The following SLC35H1 variants were observed in gnomAD, a reference collection of about 807,000 sequenced individuals.
The protein encoded by SLC35H1 is ovarian cancer-overexpressed gene 1 protein.
At chr20:46,356,756 G>T in the SLC35H1 span, 1 of 846,310 alleles carries the variant, frequency 1.2e-6, no homozygotes, top group Non-Finnish European at 1.9e-6. Context: ...GCCTCCTGTG[G>T]GGCCCTTGGG....
chr20:46,354,346 C>T, the SLC35H1 span, among the ~76,000 whole-genome samples: 1 of 152,308 alleles, frequency 6.6e-6, no homozygotes, highest in South Asian at 2.1e-4. Flanking sequence ...ATCCCACTCA[C>T]CCTCCAAACC....
At chr20:46,357,450 C>T in the SLC35H1 span, among the ~76,000 whole-genome samples, 1 of 152,192 alleles carries the variant, frequency 6.6e-6, no homozygotes, top group Non-Finnish European at 1.5e-5. Context: ...GCACGCAGTG[C>T]ACAAGAGGCA....
chr20:46,361,075 C>T, the SLC35H1 span, among the ~76,000 whole-genome samples: 1 of 152,150 alleles, frequency 6.6e-6, no homozygotes, highest in Admixed American at 6.5e-5. Context: ...ATGTGAACTC[C>T]AGAAGAATAT....
the SLC35H1 span, among the ~76,000 whole-genome samples, chr20:46,362,891 C>T: frequency 6.6e-6 from 1 of 152,212 alleles, no homozygotes; most frequent in African/African-American, 2.4e-5. Flanking sequence ...CTCAGGCTCC[C>T]GAGGAGCTGG....
chr20:46,361,210 C>T, the SLC35H1 span, among the ~76,000 whole-genome samples: 1 of 152,368 alleles, frequency 6.6e-6, no homozygotes, highest in African/African-American at 2.4e-5. Flanking sequence ...GCTCCTCTTC[C>T]TACTTCCCAT....
the SLC35H1 span, chr20:46,358,715 A>G: frequency 6.5e-7 from 1 of 1,550,330 alleles, no homozygotes; most frequent in African/African-American, 1.4e-5. Flanking sequence ...GCTGGTGCTG[A>G]CCCTTCCCAT....
chr20:46,363,210 T>C, the SLC35H1 span: 1 of 152,294 alleles, frequency 6.6e-6, no homozygotes, highest in African/African-American at 2.4e-5. Context: ...TGGCACCTTC[T>C]TGTCAACTCA....
At chr20:46,358,821 C>T in the SLC35H1 span, 1 of 1,122,654 alleles carries the variant, frequency 8.9e-7, no homozygotes, top group Non-Finnish European at 1.3e-6. Context: ...TTCTCGTAGC[C>T]ATGGGTGCCT....
At chr20:46,362,975 AG>A in the SLC35H1 span, 1 of 152,432 alleles carries the variant, frequency 6.6e-6, no homozygotes, top group East Asian at 1.9e-4. Flanking sequence ...CATGTTGGTC[AG>A]GCTGGTCTCG....
the SLC35H1 span, chr20:46,346,575 G>A: frequency 6.6e-6 from 1 of 152,212 alleles, no homozygotes; most frequent in Non-Finnish European, 1.5e-5. Context: ...GAGGTCAGGA[G>A]TTCAAGACCG....
chr20:46,358,788 G>A, the SLC35H1 span: 1 of 1,374,988 alleles, frequency 7.3e-7, no homozygotes, highest in East Asian at 2.5e-5. Context: ...GGGCCGCTCT[G>A]GAGCCTCAGG....
chr20:46,358,189 C>T, the SLC35H1 span, among the ~76,000 whole-genome samples: 3 of 152,336 alleles, frequency 2.0e-5, no homozygotes, highest in African/African-American at 7.2e-5. Flanking sequence ...CCCCGCTCTC[C>T]TTGGTTTCCC....
At chr20:46,358,696 G>GGGCTGGT in the SLC35H1 span, 1 of 1,551,016 alleles carries the variant, frequency 6.4e-7, no homozygotes, top group Non-Finnish European at 8.7e-7. Context: ...CTCACCTAAG[G>GGGCTGGT]GGCTGGTGGC....
At chr20:46,347,536 A>C in the SLC35H1 span, 1 of 152,230 alleles carries the variant, frequency 6.6e-6, no homozygotes, top group Admixed American at 6.5e-5. Flanking sequence ...CTGTCGACCT[A>C]AATGGATGGC....
At chr20:46,357,643 AGGTAGTC>A in the SLC35H1 span, 1 of 1,613,672 alleles carries the variant, frequency 6.2e-7, no homozygotes. Flanking sequence ...CACTCTTCTG[AGGTAGTC>A]GGCCCAGCTC....
the SLC35H1 span, among the ~76,000 whole-genome samples, chr20:46,354,143 G>A: frequency 6.6e-6 from 1 of 152,136 alleles, no homozygotes; most frequent in African/African-American, 2.4e-5. Context: ...CGACAGTGGA[G>A]GAACAACTGA....
chr20:46,351,021 G>C, the SLC35H1 span: 1 of 1,240,884 alleles, frequency 8.1e-7, no homozygotes, highest in South Asian at 1.4e-5. Flanking sequence ...CCTGGGCCCA[G>C]GCAGGCAGAG....
chr20:46,357,574 T>C, the SLC35H1 span: 3 of 1,588,920 alleles, frequency 1.9e-6, no homozygotes, highest in Non-Finnish European at 2.6e-6. Flanking sequence ...CATCCTATGG[T>C]TCCCCAGCCC....
chr20:46,359,059 A>G, the SLC35H1 span: 1 of 401,448 alleles, frequency 2.5e-6, no homozygotes, highest in Non-Finnish European at 4.7e-6. Flanking sequence ...TTCGGCTCCC[A>G]TGGCCTCATC....
Sources: gnomAD v4.1 joint callset for allele counts (sites outside exome capture counted in the v4.1 genomes callset) on GRCh38, gnomAD v4.1.1 for gene constraint, MANE v1.5 for transcripts, NCBI Gene and HGNC (gene_info 2026-07-23, HGNC 2026-07-21) for gene names.